Variants in GRIN2B observed in about 807,000 individuals in gnomAD.
GRIN2B encodes glutamate ionotropic receptor NMDA type subunit 2B.
GRIN2B carries 5 observed loss-of-function variants against 114.5 expected under a neutral mutation model. That is an observed-to-expected ratio of 0.04 (90% CI 0.02 to 0.09). The LOEUF (loss-of-function observed/expected upper bound fraction) is 0.09, where lower values mean the gene tolerates loss of function less well. Among genes scored for constraint, GRIN2B ranks in the 10% least tolerant of loss-of-function variants. The pLI is 1.00. For missense variants in GRIN2B, 1,108 were observed against 1,943.5 expected (o/e 0.57, Z 8.08); for synonymous variants, 787 against 745.1 (o/e 1.06, Z -0.92).
chr12:13,643,690 C>T (rs997802228), intron 5 of GRIN2B, among the ~76,000 whole-genome samples: 12 of 152,178 alleles, frequency 7.9e-5, no homozygotes, highest in Admixed American at 2.0e-4. Flanking sequence ...AGGCAATCCT[C>T]TCAAACCCTA....
chr12:13,931,825 T>C (rs1565591247), intron 2 of GRIN2B, among the ~76,000 whole-genome samples: 1 of 152,148 alleles, frequency 6.6e-6, no homozygotes, highest in Non-Finnish European at 1.5e-5. Context: ...GCAAGTTAAG[T>C]CAGCTGTACA....
intron 5 of GRIN2B, among the ~76,000 whole-genome samples, chr12:13,650,444 T>C (rs1472296352): frequency 3.9e-5 from 6 of 152,090 alleles, no homozygotes; most frequent in African/African-American, 7.2e-5. Flanking sequence ...CAGACCATAG[T>C]GTGTGCCTTC....
intron 3 of GRIN2B, among the ~76,000 whole-genome samples, chr12:13,771,131 A>AT (rs1341881529): frequency 6.6e-6 from 1 of 152,092 alleles, no homozygotes; most frequent in African/African-American, 2.4e-5. Context: ...TGGTCTTGTG[A>AT]TAGTGTATAA....
intron 2 of GRIN2B, among the ~76,000 whole-genome samples, chr12:13,963,594 C>G (rs1867737161): frequency 6.6e-6 from 1 of 152,176 alleles, no homozygotes; most frequent in Non-Finnish European, 1.5e-5. Context: ...TTCACATAAC[C>G]TGCGTTTTAC....
At chr12:13,808,429 A>T (rs1591743844) in intron 3 of GRIN2B, among the ~76,000 whole-genome samples, 2 of 152,234 alleles carry the variant, frequency 1.3e-5, no homozygotes, top group South Asian at 4.1e-4. Context: ...ACATGATCAG[A>T]ATGGCTCAGA....
At chr12:13,594,421 A>G (rs188667354) in intron 10 of GRIN2B, among the ~76,000 whole-genome samples, 3 of 152,026 alleles carry the variant, frequency 2.0e-5, no homozygotes, top group Admixed American at 2.0e-4. Context: ...AACTAACACA[A>G]GCACAGAAAA....
intron 10 of GRIN2B, among the ~76,000 whole-genome samples, chr12:13,606,494 A>G (rs1034797004): frequency 1.3e-5 from 2 of 152,226 alleles, no homozygotes; most frequent in Non-Finnish European, 2.9e-5. Context: ...TGTTCATGAG[A>G]GATCCACCCC....
intron 3 of GRIN2B, among the ~76,000 whole-genome samples, chr12:13,765,557 A>G (rs1429490061): frequency 1.3e-5 from 2 of 152,218 alleles, no homozygotes; most frequent in African/African-American, 4.8e-5. Context: ...ATTACCTTGT[A>G]TGTAAAGATT....
intron 3 of GRIN2B, among the ~76,000 whole-genome samples, chr12:13,764,433 C>T (rs1005708673): frequency 7.2e-5 from 11 of 152,124 alleles, no homozygotes; most frequent in African/African-American, 1.4e-4. Flanking sequence ...AAGACCCCAA[C>T]GGAATGCTCT....
At chr12:13,919,191 T>C (rs1866782754) in intron 2 of GRIN2B, among the ~76,000 whole-genome samples, 1 of 152,206 alleles carries the variant, frequency 6.6e-6, no homozygotes, top group Admixed American at 6.5e-5. Flanking sequence ...TAACCTCCTT[T>C]AACCTCCAGT....
intron 10 of GRIN2B, among the ~76,000 whole-genome samples, chr12:13,594,304 G>C (rs1430901945): frequency 6.6e-6 from 1 of 152,134 alleles, no homozygotes; most frequent in Admixed American, 6.5e-5. Flanking sequence ...ACTGGATTAA[G>C]AACATGTGGC....
chr12:13,605,059 T>C (rs1349720627), intron 10 of GRIN2B, among the ~76,000 whole-genome samples: 1 of 149,150 alleles, frequency 6.7e-6, no homozygotes, highest in Non-Finnish European at 1.5e-5. Flanking sequence ...TCTTCCTCTC[T>C]CCCCACAGAC....
intron 5 of GRIN2B, among the ~76,000 whole-genome samples, chr12:13,672,486 C>T (rs1465090222): frequency 1.3e-5 from 2 of 152,126 alleles, no homozygotes; most frequent in Non-Finnish European, 2.9e-5. Context: ...GGATGATGTC[C>T]TGGGGACGAG....
chr12:13,784,223 C>CAAAAAAAAAAA (rs56197649), intron 3 of GRIN2B, among the ~76,000 whole-genome samples: 2 of 71,906 alleles, frequency 2.8e-5, no homozygotes, highest in African/African-American at 1.2e-4. Context: ...GACTTCGCCT[C>CAAAAAAAAAAA]AAAAAAAAAA....
intron 10 of GRIN2B, among the ~76,000 whole-genome samples, chr12:13,601,396 TTCTGTGTCAAA>T (rs1034175555): frequency 5.9e-5 from 9 of 152,328 alleles, no homozygotes; most frequent in African/African-American, 2.2e-4. Context: ...TTTTCTCCCC[TTCTGTGTCAAA>T]TCTGTGTCTG....
At chr12:13,644,752 T>C (rs529546155) in intron 5 of GRIN2B, among the ~76,000 whole-genome samples, 2 of 152,302 alleles carry the variant, frequency 1.3e-5, no homozygotes, top group Admixed American at 1.3e-4. Flanking sequence ...ACTTGCTGCT[T>C]CACCTTGTAC....
chr12:13,946,340 G>A (rs1428786437), intron 2 of GRIN2B, among the ~76,000 whole-genome samples: 2 of 151,908 alleles, frequency 1.3e-5, no homozygotes, highest in Non-Finnish European at 2.9e-5. Flanking sequence ...AAAGACCATA[G>A]TAACTTTATA....
In GRIN2B at chr12:13,569,855, A is replaced by G; in HGVS notation, c.2334T>C (p.Leu778=). 2 of 1,609,040 alleles carry G rather than the reference A, an allele frequency of 1.2e-6. No individual in the cohort carries two copies. Among genetic ancestry groups the G allele is most frequent in the Non-Finnish European group, 1.7e-6 (2 of 1,177,068 alleles). The change falls in exon 12 of 14, where the codon CTT becomes CTC. Residue 778 remains leucine, a synonymous_variant. Coordinates refer to ENST00000609686, the MANE Select transcript of GRIN2B (RefSeq NM_000834.5). ...CATCTCCAAAGAGCTGCAGGATAGC[A>G]AGGTCCACCTGGCGCTTCCACCCAG... ...KDSGWKRQVD[L]AILQLFGDGE...
chr12:13,835,719 G>T (rs551976415), intron 3 of GRIN2B, among the ~76,000 whole-genome samples: 25 of 148,492 alleles, frequency 1.7e-4, no homozygotes, highest in Non-Finnish European at 3.1e-4. Context: ...AGAAAGGCAG[G>T]GATGGATGTA....
Sources: gnomAD v4.1 joint callset for allele counts (sites outside exome capture counted in the v4.1 genomes callset) on GRCh38, gnomAD v4.1.1 for gene constraint, MANE v1.5 for transcripts, NCBI Gene and HGNC (gene_info 2026-07-23, HGNC 2026-07-21) for gene names.